The following PALM2AKAP2 variants were observed in gnomAD, a reference collection of about 807,000 sequenced individuals.
PALM2AKAP2 encodes PALM2-AKAP2 fusion protein.
In PALM2AKAP2, 37 loss-of-function variants were observed where a neutral mutation model predicts 71.5. The ratio of observed to expected loss-of-function variants is 0.52; its 90% CI spans 0.40 to 0.68. The LOEUF (loss-of-function observed/expected upper bound fraction) is 0.68, where lower values mean the gene tolerates loss of function less well. Ranked by LOEUF, PALM2AKAP2 falls within the 30% of genes least tolerant of loss-of-function variation. The probability of loss-of-function intolerance (pLI) is 0.00; values close to 1 mark genes in which losing one functional copy is unlikely to be tolerated. For missense variants in PALM2AKAP2, 1,224 were observed against 1,191.8 expected, an observed-to-expected ratio of 1.03 and a Z score of -0.40; for synonymous variants, 468 against 478.8, an observed-to-expected ratio of 0.98 and a Z score of 0.29.
In PALM2AKAP2 at chr9:110,119,154, C is replaced by A. The variant is rs566105647; in HGVS notation, c.157-16973C>A. Among the ~76,000 whole-genome samples, 6 of 151,932 alleles carry A rather than the reference C, an allele frequency of 3.9e-5. No homozygotes were observed. The South Asian group carries it at 1.0e-3, about 26-fold the overall frequency. ...GGTCAAGAGATCGAGACCATCCTGG[C>A]CAACATGGTAAAAATCCGTCTCTAC... On this transcript the variant is annotated intron_variant, in intron 1 of 3. Coordinates refer to ENST00000374525, the Ensembl canonical transcript of PALM2AKAP2.
chr9:110,056,934 G>T (rs1242952979), intron 1 of PALM2AKAP2, among the ~76,000 whole-genome samples: 1 of 152,196 alleles, frequency 6.6e-6, no homozygotes, highest in East Asian at 1.9e-4. Context: ...GGCGTAGAGG[G>T]TGTTGAGATA....
intron 1 of PALM2AKAP2, among the ~76,000 whole-genome samples, chr9:109,740,083 A>G (rs1185768853): frequency 6.6e-6 from 1 of 152,238 alleles, no homozygotes; most frequent in Non-Finnish European, 1.5e-5. Context: ...GAGAAGTCCA[A>G]TAGAAAATCA....
chr9:110,139,509 T>C (rs985666053), intron 2 of PALM2AKAP2, among the ~76,000 whole-genome samples: 1 of 152,234 alleles, frequency 6.6e-6, no homozygotes, highest in Non-Finnish European at 1.5e-5. Context: ...GGGATTTTTG[T>C]ATTTTACAAA....
intron 1 of PALM2AKAP2, among the ~76,000 whole-genome samples, chr9:110,128,425 T>C (rs1381643233): frequency 1.3e-5 from 2 of 152,210 alleles, no homozygotes; most frequent in Non-Finnish European, 2.9e-5. Context: ...TTCACAGCTA[T>C]GAGGAAGTTT....
chr9:109,857,401 A>T (rs1829196316), intron 1 of PALM2AKAP2, among the ~76,000 whole-genome samples: 1 of 152,250 alleles, frequency 6.6e-6, no homozygotes, highest in Non-Finnish European at 1.5e-5. Flanking sequence ...TTCACCAGAC[A>T]TTGCTGAAGG....
At chr9:110,130,199 G>A (rs2119057222) in intron 1 of PALM2AKAP2, among the ~76,000 whole-genome samples, 1 of 152,304 alleles carries the variant, frequency 6.6e-6, no homozygotes, top group Middle Eastern at 3.4e-3. Flanking sequence ...AGTTTACATA[G>A]TACTTTTAAG....
chr9:109,845,790 A>G (rs541318214), intron 1 of PALM2AKAP2, among the ~76,000 whole-genome samples: 54 of 152,272 alleles, frequency 3.5e-4, no homozygotes, highest in African/African-American at 1.3e-3. Flanking sequence ...AGCTCAAGTG[A>G]TCCTCCCACC....
upstream of PALM2AKAP2, chr9:109,780,182 C>G (rs568422311): frequency 1.9e-3 from 1,262 of 663,636 alleles, 3 homozygotes; most frequent in Non-Finnish European, 2.3e-3. Context: ...AGCGCGCCCT[C>G]CCGGCGGCTG....
intron 6 of PALM2AKAP2, among the ~76,000 whole-genome samples, chr9:109,983,886 G>GA (rs953969979): frequency 3.3e-4 from 50 of 150,560 alleles, no homozygotes; most frequent in African/African-American, 1.1e-3. Context: ...GAAAAGAAAA[G>GA]AAAAAAAAAT....
At chr9:110,119,807 C>T (rs537717532) in intron 1 of PALM2AKAP2, among the ~76,000 whole-genome samples, 97 of 152,264 alleles carry the variant, frequency 6.4e-4, no homozygotes, top group African/African-American at 2.0e-3. Context: ...ATTTTAACAC[C>T]ATCAAGCCAT....
At chr9:109,780,335 C>G, upstream of PALM2AKAP2, 1 of 1,515,308 alleles carries the variant, frequency 6.6e-7, no homozygotes, top group African/African-American at 1.4e-5. Context: ...GTGCGCACAG[C>G]TCTGCCCGCC....
intron 1 of PALM2AKAP2, among the ~76,000 whole-genome samples, chr9:109,734,777 T>A (rs1039595705): frequency 6.6e-6 from 1 of 152,204 alleles, no homozygotes; most frequent in Non-Finnish European, 1.5e-5. Context: ...AATGTGTTAG[T>A]ATTGCCCAGA....
intron 1 of PALM2AKAP2, among the ~76,000 whole-genome samples, chr9:109,750,494 A>C (rs2118709801): frequency 6.6e-6 from 1 of 152,164 alleles, no homozygotes; most frequent in East Asian, 1.9e-4. Flanking sequence ...ATGATACCTG[A>C]ATTAGAATGG....
In PALM2AKAP2 at chr9:110,053,544, A is replaced by AG. The variant is rs533839181; in HGVS notation, c.156+4689_156+4690insG. On this transcript the variant is annotated intron_variant, in intron 1 of 3. Transcript: ENST00000374525. ...CTCTGTCTCAAAAAAAAAAAAAAAA[A>AG]AAAAGAAAAAAAGAAAGAAAGAAAG... Among the ~76,000 whole-genome samples the AG allele has an allele frequency of 2.3e-4, 34 of 150,670 alleles. 1 individual carries two copies. The highest frequency in any genetic ancestry group is 6.3e-4 in the African/African-American group (26 of 41,098).
At position 109,683,177 on chromosome 9, in the gene PALM2AKAP2, G is replaced by A. The variant is rs190858035; in HGVS notation, c.5+42311G>A. ...GTTTCCTGAGGCCTCCCCAGAAGCCGAGCAGATGCCACTATGCTTTCTGTA... is the reference window on the plus strand; with the variant it reads ...GTTTCCTGAGGCCTCCCCAGAAGCCAAGCAGATGCCACTATGCTTTCTGTA... On this transcript the variant is annotated intron_variant, in intron 1 of 6. Coordinates refer to the PALM2AKAP2 transcript ENST00000374531. 1.1e-3 allele frequency among the ~76,000 whole-genome samples: 170 copies of A among 152,248 alleles called. 1 individual carries two copies. Among genetic ancestry groups the A allele is most frequent in the African/African-American group, 3.8e-3 (159 of 41,546 alleles).
intron 1 of PALM2AKAP2, among the ~76,000 whole-genome samples, chr9:109,736,196 C>T (rs1204440674): frequency 3.9e-5 from 6 of 151,990 alleles, no homozygotes; most frequent in East Asian, 3.9e-4. Flanking sequence ...AAATAGGTCC[C>T]GGGGAACTAG....
chr9:110,125,614 A>C, intron 1 of PALM2AKAP2: 2 of 984,214 alleles, frequency 2.0e-6, no homozygotes, highest in Non-Finnish European at 2.4e-6. Context: ...AAGTCTGCTG[A>C]CTTATCTTCG....
intron 2 of PALM2AKAP2, among the ~76,000 whole-genome samples, chr9:109,870,618 C>T (rs1300896870): frequency 6.6e-6 from 1 of 152,192 alleles, no homozygotes; most frequent in East Asian, 1.9e-4. Context: ...TGCCCAAGAC[C>T]ATAGAGACTA....
chr9:110,042,102 T>G (rs1216929661), intron 7 of PALM2AKAP2, among the ~76,000 whole-genome samples: 1 of 152,192 alleles, frequency 6.6e-6, no homozygotes, highest in Non-Finnish European at 1.5e-5. Context: ...ATGCCAGTCT[T>G]GGATGTGCAT....
Sources: allele counts gnomAD v4.1 joint callset (sites outside exome capture counted in the v4.1 genomes callset), GRCh38; gene constraint gnomAD v4.1.1; transcripts MANE v1.5; gene names NCBI Gene and HGNC (gene_info 2026-07-23, HGNC 2026-07-21).